The following ZMYND11 variants were observed in gnomAD, a reference collection of about 807,000 sequenced individuals.
ZMYND11 encodes zinc finger MYND-type containing 11, also known as zinc finger MYND domain-containing protein 11.
ZMYND11 carries 9 observed loss-of-function variants against 84.9 expected under a neutral mutation model. The observed-to-expected ratio is 0.11, with a 90% confidence interval of 0.06 to 0.18. The LOEUF is 0.18. Ranked by LOEUF, ZMYND11 falls within the 10% of genes least tolerant of loss-of-function variation. ZMYND11 has a pLI of 1.00. For synonymous variants in ZMYND11, 250 were observed against 244.1 expected, an observed-to-expected ratio of 1.02 and a Z score of -0.23; for missense variants, 409 against 761.0, an observed-to-expected ratio of 0.54 and a Z score of 5.44.
At chr10:200,205 G>GGGGTGTGTGTGT (rs1554774397) in intron 2 of ZMYND11, among the ~76,000 whole-genome samples, 1 of 132,434 alleles carries the variant, frequency 7.6e-6, no homozygotes, top group African/African-American at 2.8e-5. Flanking sequence ...GCCTGGCTAG[G>GGGGTGTGTGTGT]GTGTGTGTGT....
intron 1 of ZMYND11, among the ~76,000 whole-genome samples, chr10:142,068 T>G (rs1463328534): frequency 6.6e-6 from 1 of 152,224 alleles, no homozygotes; most frequent in African/African-American, 2.4e-5. Flanking sequence ...AAGCTGGGTT[T>G]AATCATGAGA....
chr10:160,804 T>C (rs912934283), intron 1 of ZMYND11, among the ~76,000 whole-genome samples: 2 of 152,196 alleles, frequency 1.3e-5, no homozygotes, highest in South Asian at 4.1e-4. Context: ...AGTTATATCT[T>C]CATGCTCGAC....
At chr10:183,810 T>C (rs1306085184) in intron 2 of ZMYND11, among the ~76,000 whole-genome samples, 1 of 152,194 alleles carries the variant, frequency 6.6e-6, no homozygotes, top group Admixed American at 6.5e-5. Context: ...GCCTGTGCAG[T>C]GCTGGCTCCT....
At chr10:157,284 C>T (rs1365946949) in intron 1 of ZMYND11, among the ~76,000 whole-genome samples, 7 of 152,208 alleles carry the variant, frequency 4.6e-5, no homozygotes, top group Admixed American at 3.3e-4. Flanking sequence ...ACTGCAACCT[C>T]TGCCTCCCAG....
intron 3 of ZMYND11, among the ~76,000 whole-genome samples, chr10:215,876 A>G (rs999684689): frequency 1.4e-4 from 22 of 152,204 alleles, no homozygotes; most frequent in Admixed American, 6.5e-4. Context: ...ATGAAAAGGT[A>G]GAATTCTGTG....
At chr10:146,820 A>G (rs1475938885) in intron 1 of ZMYND11, among the ~76,000 whole-genome samples, 1 of 152,190 alleles carries the variant, frequency 6.6e-6, no homozygotes, top group Non-Finnish European at 1.5e-5. Flanking sequence ...ATCATAGTGA[A>G]TAAGTCTCAC....
At chr10:211,136 G>A (rs1945141082) in intron 3 of ZMYND11, among the ~76,000 whole-genome samples, 1 of 151,924 alleles carries the variant, frequency 6.6e-6, no homozygotes, top group Non-Finnish European at 1.5e-5. Flanking sequence ...GGGCTGCAAT[G>A]AGCTATGGTC....
upstream of ZMYND11, among the ~76,000 whole-genome samples, chr10:130,980 G>A (rs140464648): frequency 0.02 from 3,020 of 152,196 alleles, 93 homozygotes; most frequent in African/African-American, 0.069. Flanking sequence ...AGCTGGGCAC[G>A]GTGGCATGCA....
At chr10:155,032 C>T (rs1484189070) in intron 1 of ZMYND11, 1 of 152,010 alleles carries the variant, frequency 6.6e-6, no homozygotes, top group East Asian at 1.9e-4. Flanking sequence ...ATGATATGCT[C>T]CTGGTGTATA....
At chr10:158,318 G>A (rs1323692852) in intron 1 of ZMYND11, among the ~76,000 whole-genome samples, 1 of 151,804 alleles carries the variant, frequency 6.6e-6, no homozygotes, top group Non-Finnish European at 1.5e-5. Context: ...GAAAGCAGCT[G>A]CACCATTTTA....
chr10:151,198 A>G (rs1554756922), intron 1 of ZMYND11, among the ~76,000 whole-genome samples: 1 of 152,224 alleles, frequency 6.6e-6, no homozygotes, highest in Non-Finnish European at 1.5e-5. Flanking sequence ...CACCAGCGAC[A>G]GAACAAAGCT....
chr10:213,247 C>G (rs1945576412), intron 3 of ZMYND11, among the ~76,000 whole-genome samples: 3 of 152,166 alleles, frequency 2.0e-5, no homozygotes, highest in Admixed American at 2.0e-4. Context: ...AATGAACATA[C>G]AACAACAAGA....
chr10:238,572 G>A (rs1303269322), intron 6 of ZMYND11, among the ~76,000 whole-genome samples: 7 of 152,046 alleles, frequency 4.6e-5, no homozygotes, highest in African/African-American at 1.7e-4. Context: ...TAGCCAGGAT[G>A]GTCTCGATCT....
At chr10:213,634 C>T (rs1821121232) in intron 3 of ZMYND11, among the ~76,000 whole-genome samples, 1 of 151,974 alleles carries the variant, frequency 6.6e-6, no homozygotes, top group Middle Eastern at 3.4e-3. Context: ...CTAAAAATTG[C>T]TGTAAACTCA....
intron 3 of ZMYND11, among the ~76,000 whole-genome samples, chr10:214,869 AT>A (rs1166398748): frequency 1.3e-5 from 2 of 152,180 alleles, no homozygotes; most frequent in Admixed American, 6.5e-5. Flanking sequence ...GCTAAGTTAC[AT>A]TTGGTATTTA....
rs1953606232 is a variant in ZMYND11, at chr10:252,044, GA to G, written c.1687-301del. 6.6e-6 allele frequency among the ~76,000 whole-genome samples: 1 copy of G among 152,106 alleles called. No homozygotes were observed. The highest frequency in any genetic ancestry group is 1.5e-5 in the Non-Finnish European group (1 of 68,018). On this transcript the variant is annotated intron_variant, in intron 14 of 14. Coordinates refer to ENST00000381604, the MANE Select transcript of ZMYND11 (RefSeq NM_001370100.5). The surrounding 1 kb of genome is among the most constrained non-coding windows in gnomAD (Gnocchi z 4.6). ...AGCAGAGAAATGCAAGTGGTAGCTG[GA>G]AAGGGATGTGAAGTCAAGAGCATTT...
chr10:203,801 T>G (rs1943656344), intron 2 of ZMYND11, among the ~76,000 whole-genome samples: 3 of 152,180 alleles, frequency 2.0e-5, no homozygotes, highest in Non-Finnish European at 4.4e-5. Flanking sequence ...CTCTGCAGTT[T>G]CTGGAAGGAA....
chr10:248,990 C>A lies in ZMYND11; in HGVS notation c.1588C>A (p.Gln530Lys). The change falls in exon 14 of 15, where the codon CAA (glutamine) becomes AAA (lysine). Residue 530 changes from glutamine to lysine, a missense_variant. Physicochemically the swap from Gln to Lys is moderately conservative, Grantham distance 53 (BLOSUM62 1). Transcript: ENST00000381604. ...GGGTGAGATGGACAGAAAATGTAAG[C>A]AAGTAAAGGAAAAGTGTAAGGAAGA... ...MQGEMDRKCKQVKEKCKEEFV... is the reference protein window; with the variant it reads ...MQGEMDRKCKKVKEKCKEEFV... The A allele has an allele frequency of 6.2e-7, 1 of 1,614,094 alleles. No individual in the cohort carries two copies. Among genetic ancestry groups the A allele is most frequent in the Non-Finnish European group, 8.5e-7 (1 of 1,180,006 alleles).
chr10:197,455 T>C (rs527491304), intron 2 of ZMYND11, among the ~76,000 whole-genome samples: 1 of 152,204 alleles, frequency 6.6e-6, no homozygotes, highest in East Asian at 1.9e-4. Flanking sequence ...GAAAGCAAAG[T>C]TTAGTATATG....
Sources: allele counts gnomAD v4.1 joint callset (sites outside exome capture counted in the v4.1 genomes callset), GRCh38; gene constraint gnomAD v4.1.1; non-coding constraint Gnocchi (gnomAD v3.1); transcripts MANE v1.5; gene names NCBI Gene and HGNC (gene_info 2026-07-23, HGNC 2026-07-21).